Variants in NUP37 observed in about 807,000 individuals in gnomAD.
The protein encoded by NUP37 is nucleoporin Nup37.
A neutral mutation model predicts 45.4 loss-of-function variants in NUP37; 33 were observed. The observed-to-expected ratio is 0.73, with a 90% CI of 0.55 to 0.97. The LOEUF (loss-of-function observed/expected upper bound fraction) is 0.97. Ranked by LOEUF, NUP37 falls within the 50% of genes least tolerant of loss-of-function variation. NUP37 has a pLI of 0.00. For missense variants in NUP37, 365 were observed against 389.7 expected (o/e 0.94, Z 0.53); for synonymous variants, 127 against 130.7 (o/e 0.97, Z 0.19).
At chr12:102,117,831 A>G (rs1175405199) in intron 2 of NUP37, among the ~76,000 whole-genome samples, 1 of 152,230 alleles carries the variant, frequency 6.6e-6, no homozygotes, top group African/African-American at 2.4e-5. Flanking sequence ...TAGGCATTCC[A>G]GTTCTAGAAT....
intron 3 of NUP37, among the ~76,000 whole-genome samples, 162 bp downstream of exon 3, chr12:102,111,946 T>C (rs770057814): frequency 5.9e-5 from 9 of 152,238 alleles, no homozygotes; most frequent in Non-Finnish European, 1.2e-4. Context: ...CAAATTCAGA[T>C]GATAAGCCTA....
intron 2 of NUP37, among the ~76,000 whole-genome samples, chr12:102,113,949 AC>A (rs763116557): frequency 6.6e-6 from 1 of 152,224 alleles, no homozygotes; most frequent in Non-Finnish European, 1.5e-5. Flanking sequence ...TAATTCAGAT[AC>A]CCTTTGAAAA....
Position 102,101,074 on chromosome 12 carries a change from A to G in NUP37, c.312T>C (p.Ile104=). 6.4e-7 allele frequency: 1 copy of G among 1,565,748 alleles called. No homozygotes were observed. The highest frequency in any genetic ancestry group is 8.7e-7 in the Non-Finnish European group (1 of 1,151,564). The change falls in exon 4 of 10, where the codon ATT becomes ATC. Residue 104 remains isoleucine (I), a synonymous_variant. Coordinates refer to ENST00000552283, the MANE Select transcript of NUP37 (RefSeq NM_024057.4). ...CCTGAAGATCTGAAGTAAATAATCT[A>G]ATTTTCATATCAGCAGCTGAAGTAC... The part of the protein sequence containing the change: ...KFCTSAADMK[I]RLFTSDLQDK...
Position 102,100,986 on chromosome 12 carries a change from C to T in NUP37, c.354+46G>A, listed in dbSNP as rs1336427320. The T allele has an allele frequency of 2.5e-6, 3 of 1,202,820 alleles. No individual in the cohort carries two copies. The South Asian group carries it at 4.4e-5, about 18-fold the overall frequency. The allele number at this position is 1,202,820 out of a possible 1,614,324, so 74.5% of individuals were successfully genotyped here. On this transcript the variant is annotated intron_variant, in intron 4 of 9. Transcript: ENST00000552283. Reference sequence around the variant, plus strand: ...TCCAATTAAAAAAGCAAAAAACAAACACGTTTTAAAATAAGCTCTAAAGAT... The same window carrying T: ...TCCAATTAAAAAAGCAAAAAACAAATACGTTTTAAAATAAGCTCTAAAGAT...
chr12:102,096,812 TTC>T (rs1387551432), intron 5 of NUP37, among the ~76,000 whole-genome samples: 1 of 152,228 alleles, frequency 6.6e-6, no homozygotes, highest in African/African-American at 2.4e-5. Flanking sequence ...TTTATATACG[TTC>T]TGTTTTTAAA....
At position 102,089,197 on chromosome 12, in the gene NUP37, T is replaced by C. The variant is rs550636748; in HGVS notation, c.450-3341A>G. Among the ~76,000 whole-genome samples the C allele has an allele frequency of 5.2e-3, 788 of 152,276 alleles. 7 individuals are homozygous for C. Among genetic ancestry groups the C allele is most frequent in the African/African-American group, 0.017 (717 of 41,556 alleles). Reference sequence around the variant, plus strand: ...TTCGACAAAACCGCCATCGTCATCATGGCCCGTTCTCGATGGTCGCTGTCT... The same window carrying C: ...TTCGACAAAACCGCCATCGTCATCACGGCCCGTTCTCGATGGTCGCTGTCT... On this transcript the variant is annotated intron_variant, in intron 5 of 9. Transcript: ENST00000552283.
chr12:102,115,981 G>A (rs1182768327), intron 2 of NUP37: 1 of 167,424 alleles, frequency 6.0e-6, no homozygotes, highest in Admixed American at 6.5e-5. Context: ...AATGTCTGAT[G>A]CAGAATATAA....
intron 5 of NUP37, among the ~76,000 whole-genome samples, chr12:102,092,833 T>A (rs1350926914): frequency 6.6e-6 from 1 of 152,090 alleles, no homozygotes; most frequent in Non-Finnish European, 1.5e-5. Context: ...GCCTTAAAGG[T>A]GGAGACAACA....
chr12:102,087,182 C>A (rs1271860434), intron 5 of NUP37, among the ~76,000 whole-genome samples: 2 of 152,212 alleles, frequency 1.3e-5, no homozygotes, highest in Admixed American at 6.5e-5. Context: ...GTTCATATCT[C>A]ATTAGGGAAC....
intron 5 of NUP37, among the ~76,000 whole-genome samples, chr12:102,093,712 G>A (rs909556467): frequency 2.6e-5 from 4 of 151,938 alleles, no homozygotes; most frequent in African/African-American, 7.2e-5. Flanking sequence ...GAATACTAAA[G>A]CTATCAATAA....
chr12:102,109,249 C>T (rs1880244618), intron 3 of NUP37, among the ~76,000 whole-genome samples: 2 of 151,998 alleles, frequency 1.3e-5, no homozygotes, highest in African/African-American at 4.8e-5. Flanking sequence ...AGTAGAAAGG[C>T]AGGGAGAAAG....
intron 3 of NUP37, among the ~76,000 whole-genome samples, chr12:102,104,191 T>A (rs904344767): frequency 2.6e-5 from 4 of 152,188 alleles, no homozygotes; most frequent in Non-Finnish European, 5.9e-5. Flanking sequence ...CTCATGTGGT[T>A]TTGATTTGTA....
At chr12:102,090,074 G>A (rs1373399160) in intron 5 of NUP37, among the ~76,000 whole-genome samples, 1 of 152,086 alleles carries the variant, frequency 6.6e-6, no homozygotes, top group African/African-American at 2.4e-5. Flanking sequence ...TTCCAAGTTG[G>A]CTGCACCTCA....
At position 102,075,108 on chromosome 12, in the gene NUP37, A is replaced by G. The variant is rs182477922; in HGVS notation, c.774-14T>C. 1.4e-5 allele frequency: 22 copies of G among 1,559,254 alleles called. No homozygotes were observed. The East Asian group carries it at 4.7e-4, about 33-fold the overall frequency. ...ATTGTGGACCACCTAAGAAATAAGG[A>G]AGCGTAAAATTAAGTATCGTATCCT... On this transcript the variant is annotated splice_polypyrimidine_tract_variant and intron_variant, in intron 8 of 9. Coordinates refer to ENST00000552283, the MANE Select transcript of NUP37 (RefSeq NM_024057.4).
chr12:102,107,634 C>T (rs1346649807), intron 3 of NUP37, among the ~76,000 whole-genome samples: 4 of 152,034 alleles, frequency 2.6e-5, no homozygotes, highest in Non-Finnish European at 5.9e-5. Flanking sequence ...TAATAGAATG[C>T]ATAAACTGTA....
chr12:102,074,601 T>TA (rs1879116524), intron 9 of NUP37, 134 bp from the exon 10 acceptor site: 1 of 604,830 alleles, frequency 1.7e-6, no homozygotes, highest in East Asian at 2.8e-5. Flanking sequence ...TATGCTCCCT[T>TA]ACAGGTGAAA....
At position 102,101,072 on chromosome 12, in the gene NUP37, CT is replaced by C; in HGVS notation, c.313del (p.Arg105AspfsTer16). On this transcript the variant is annotated frameshift_variant, in exon 4 of 10. Transcript: ENST00000552283. LOFTEE classifies it high-confidence loss of function. Reference sequence around the variant, plus strand: ...ATCCTGAAGATCTGAAGTAAATAATCTAATTTTCATATCAGCAGCTGAAGTA... The same window carrying C: ...ATCCTGAAGATCTGAAGTAAATAATCAATTTTCATATCAGCAGCTGAAGTA... ...FCTSAADMKI[R>X]LFTSDLQDKN... is the part of the protein sequence containing the mutation. 1.9e-6 allele frequency: 3 copies of C among 1,563,348 alleles called. No individual in the cohort carries two copies. The highest frequency in any genetic ancestry group is 2.6e-6 in the Non-Finnish European group (3 of 1,150,014).
intron 8 of NUP37, 42 bp downstream of exon 8, chr12:102,076,755 T>C (rs1196272392): frequency 6.3e-7 from 1 of 1,580,722 alleles, no homozygotes; most frequent in Admixed American, 1.7e-5. Context: ...CACAGCAACG[T>C]CAAAAGATCA....
chr12:102,094,498 A>G (rs147281270), intron 5 of NUP37, among the ~76,000 whole-genome samples: 5 of 146,866 alleles, frequency 3.4e-5, no homozygotes, highest in Middle Eastern at 3.4e-3. Context: ...TGTGATCTCA[A>G]TTGGGGTGGG....
Sources: gnomAD v4.1 joint callset for allele counts (sites outside exome capture counted in the v4.1 genomes callset) on GRCh38, gnomAD v4.1.1 for gene constraint, MANE v1.5 for transcripts, NCBI Gene and HGNC (gene_info 2026-07-23, HGNC 2026-07-21) for gene names.